Variants in MTNR1B observed in about 807,000 individuals in gnomAD.
The protein encoded by MTNR1B is melatonin receptor type 1B.
A neutral mutation model predicts 7.0 loss-of-function variants in MTNR1B; 7 were observed. The ratio of observed to expected loss-of-function variants is 1.00; its 90% CI spans 0.57 to 1.88. MTNR1B has a LOEUF of 1.88. MTNR1B is among the 40% of genes most tolerant of loss of function. The pLI, the probability that MTNR1B is intolerant of heterozygous loss-of-function variation, is 0.00. For missense variants in MTNR1B, 478 were observed against 486.5 expected (o/e 0.98, Z 0.16); for synonymous variants, 226 against 208.2 (o/e 1.09, Z -0.74).
Position 92,981,801 on chromosome 11 carries a change from T to A in MTNR1B, c.578T>A (p.Ile193Asn). The change falls in exon 2 of 2, where the codon ATC becomes AAC. Residue 193 changes from isoleucine (I) to asparagine (N), a missense_variant. By Grantham distance (149) the Ile-to-Asn change is moderately radical (BLOSUM62 -3). Transcript: ENST00000257068. ...CCACGCATCTATTCCTGCACCTTCATCCAGACCGCCAGCACCCAGTACACG... is the reference window on the plus strand; with the variant it reads ...CCACGCATCTATTCCTGCACCTTCAACCAGACCGCCAGCACCCAGTACACG... ...YDPRIYSCTFIQTASTQYTAA... is the reference protein window; with the variant it reads ...YDPRIYSCTFNQTASTQYTAA... 1 of 1,614,154 alleles carries A rather than the reference T, an allele frequency of 6.2e-7. No homozygotes were observed. Among genetic ancestry groups the A allele is most frequent in the Non-Finnish European group, 8.5e-7 (1 of 1,180,036 alleles).
chr11:92,982,041 C>T lies in MTNR1B; in HGVS notation c.818C>T (p.Ala273Val). ...CWAPLNCIGL[A>V]VAINPQEMAP... ...GCTCCACTTAACTGCATCGGCCTCG[C>T]TGTGGCCATCAACCCCCAAGAAATG... The change falls in exon 2 of 2, where the codon GCT becomes GTT. Residue 273 changes from alanine (A) to valine (V), a missense_variant. Coordinates refer to ENST00000257068, the MANE Select transcript of MTNR1B (RefSeq NM_005959.5). The T allele has an allele frequency of 6.2e-7, 1 of 1,614,228 alleles. No homozygotes were observed. Among genetic ancestry groups the T allele is most frequent in the African/African-American group, 1.3e-5 (1 of 75,062 alleles).
chr11:92,972,860 A>G (rs137942766), intron 1 of MTNR1B, among the ~76,000 whole-genome samples: 102 of 152,190 alleles, frequency 6.7e-4, no homozygotes, highest in African/African-American at 8.7e-4. Context: ...CACACACACG[A>G]TACACAAAGT....
At chr11:92,983,657 C>A (rs1455350435), downstream of MTNR1B, among the ~76,000 whole-genome samples, 1 of 152,128 alleles carries the variant, frequency 6.6e-6, no homozygotes, top group East Asian at 1.9e-4. Context: ...ACTTTATATT[C>A]GTAGAAATCT....
rs373981936 is a variant in MTNR1B, at chr11:92,982,160, C to G, written c.937C>G (p.Gln313Glu). ...LNAIVYGLLN[Q>E]NFRREYKRIL... ...TGCCATTGTCTATGGGCTCTTGAAC[C>G]AAAACTTCCGCAGGGAATACAAGAG... The change falls in exon 2 of 2, where the codon CAA (glutamine) becomes GAA (glutamate). Residue 313 changes from glutamine (Q) to glutamate (E), a missense_variant. Gln to Glu is a conservative substitution (Grantham distance 29). Transcript: ENST00000257068. 8.1e-6 allele frequency: 13 copies of G among 1,614,074 alleles called. No individual in the cohort carries two copies. The highest frequency in any genetic ancestry group is 1.1e-5 in the Non-Finnish European group (13 of 1,180,046).
intron 1 of MTNR1B, among the ~76,000 whole-genome samples, chr11:92,974,375 A>G (rs530902723): frequency 1.3e-5 from 2 of 152,300 alleles, no homozygotes; most frequent in South Asian, 2.1e-4. Context: ...GCCTTCCACC[A>G]TGATTGGGAG....
chr11:92,982,373 T>C lies in MTNR1B; in HGVS notation c.*61T>C, dbSNP rs1858127119. 4 of 1,550,452 alleles carry C rather than the reference T, an allele frequency of 2.6e-6. No homozygotes were observed. In the South Asian group the frequency reaches 5.0e-5, roughly 20 times the overall value. The stretch of plus-strand genomic sequence containing the variant: ...CATGAAATGGTGGGAGAGAGTCTGC[T>C]GCAAGGGTGAGACCAGGCAGCCTGC... On this transcript the variant is annotated 3_prime_UTR_variant, in exon 2 of 2. Transcript: ENST00000257068.
intron 1 of MTNR1B, among the ~76,000 whole-genome samples, chr11:92,974,481 GAGAC>G (rs915111185): frequency 3.3e-5 from 5 of 152,082 alleles, no homozygotes; most frequent in African/African-American, 9.7e-5. Flanking sequence ...TGTTTTTTGT[GAGAC>G]AGAGTTTCAC....
intron 1 of MTNR1B, among the ~76,000 whole-genome samples, chr11:92,976,972 T>C (rs750958083): frequency 2.6e-5 from 4 of 152,234 alleles, no homozygotes; most frequent in Non-Finnish European, 5.9e-5. Flanking sequence ...AACTTCACCA[T>C]GTTATATCAA....
At chr11:92,981,074 A>C (rs913249301) in intron 1 of MTNR1B, among the ~76,000 whole-genome samples, 2 of 152,168 alleles carry the variant, frequency 1.3e-5, no homozygotes, top group Non-Finnish European at 2.9e-5. Flanking sequence ...CCTCCTCCGA[A>C]ATCTTTGCTG....
intron 1 of MTNR1B, among the ~76,000 whole-genome samples, chr11:92,970,275 T>C (rs1857904316): frequency 6.6e-6 from 1 of 152,208 alleles, no homozygotes; most frequent in African/African-American, 2.4e-5. Context: ...TGCGTGTCTT[T>C]CCAGAGGTGC....
At chr11:92,977,011 G>C (rs1410699922) in intron 1 of MTNR1B, among the ~76,000 whole-genome samples, 1 of 152,182 alleles carries the variant, frequency 6.6e-6, no homozygotes, top group Non-Finnish European at 1.5e-5. Context: ...TAAGTGTAAA[G>C]TAATAAAATG....
intron 1 of MTNR1B, among the ~76,000 whole-genome samples, chr11:92,976,329 C>T (rs924834017): frequency 6.6e-6 from 1 of 152,148 alleles, no homozygotes; most frequent in African/African-American, 2.4e-5. Context: ...GAATGTCCTA[C>T]TTTCTTCATC....
chr11:92,978,131 A>C (rs1858039956), intron 1 of MTNR1B, among the ~76,000 whole-genome samples: 1 of 152,192 alleles, frequency 6.6e-6, no homozygotes, highest in Admixed American at 6.5e-5. Flanking sequence ...TCTTCTGAGC[A>C]TGGAGGGTGA....
At position 92,974,727 on chromosome 11, in the gene MTNR1B, C is replaced by T. The variant is rs572230648; in HGVS notation, c.223+4779C>T. ...ATGCCATTCTCTTGCCTCAGCCTCCCGAGTAGCTGGGACTACAGGCGACCG... is the reference window on the plus strand; with the variant it reads ...ATGCCATTCTCTTGCCTCAGCCTCCTGAGTAGCTGGGACTACAGGCGACCG... On this transcript the variant is annotated intron_variant, in intron 1 of 1. Coordinates refer to ENST00000257068, the MANE Select transcript of MTNR1B (RefSeq NM_005959.5). Among the ~76,000 whole-genome samples the T allele has an allele frequency of 5.3e-3, 798 of 150,670 alleles. 10 individuals carry two copies. Among genetic ancestry groups the T allele is most frequent in the Middle Eastern group, 6.8e-3 (2 of 294 alleles).
chr11:92,969,793 C>T lies in MTNR1B; in HGVS notation c.68C>T (p.Ser23Leu). 6.4e-7 allele frequency: 1 copy of T among 1,555,202 alleles called. No individual in the cohort carries two copies. Among genetic ancestry groups the T allele is most frequent in the Non-Finnish European group, 8.7e-7 (1 of 1,149,838 alleles). ...AGGWAVRPGW[S>L]GAGSARPSRT... ...GGGTGGGCAGTGCGCCCGGGCTGGT[C>T]GGGGGCTGGCAGCGCGCGGCCCTCC... Residue 23 changes from serine to leucine, a missense_variant, in exon 1 of 2, where the codon TCG (serine) becomes TTG (leucine). By Grantham distance (145) the Ser-to-Leu change is moderately radical (BLOSUM62 -2). Coordinates refer to ENST00000257068, the MANE Select transcript of MTNR1B (RefSeq NM_005959.5).
intron 1 of MTNR1B, among the ~76,000 whole-genome samples, chr11:92,971,744 G>A (rs12287509): frequency 0.01 from 1,591 of 152,222 alleles, 36 homozygotes; most frequent in African/African-American, 0.036. Context: ...AAGGAGAAAA[G>A]CACCCCTCCC....
intron 1 of MTNR1B, 152 bp downstream of exon 1, chr11:92,970,100 C>A: frequency 1.7e-6 from 2 of 1,176,926 alleles, no homozygotes; most frequent in Non-Finnish European, 2.2e-6. Context: ...TTTGACTCTG[C>A]ACTCAAAAGT....
chr11:92,969,811 G>T lies in MTNR1B; in HGVS notation c.86G>T (p.Arg29Leu). 6.4e-7 allele frequency: 1 copy of T among 1,569,046 alleles called. No homozygotes were observed. The highest frequency in any genetic ancestry group is 2.4e-5 in the East Asian group (1 of 41,890). Residue 29 changes from arginine (R) to leucine (L), a missense_variant, in exon 1 of 2, where the codon CGG becomes CTG. Arg to Leu is a moderately radical substitution (Grantham distance 102). Transcript: ENST00000257068. ...RPGWSGAGSA[R>L]PSRTPRPPWV... ...GGCTGGTCGGGGGCTGGCAGCGCGC[G>T]GCCCTCCAGGACCCCTCGACCTCCC...
chr11:92,982,834 C>T (rs1273683699), downstream of MTNR1B: 1 of 179,280 alleles, frequency 5.6e-6, no homozygotes, highest in East Asian at 1.5e-4. Flanking sequence ...CAATCACAAC[C>T]ACACATGCAT....
Sources: allele counts gnomAD v4.1 joint callset (sites outside exome capture counted in the v4.1 genomes callset), GRCh38; gene constraint gnomAD v4.1.1; transcripts MANE v1.5; gene names NCBI Gene and HGNC (gene_info 2026-07-23, HGNC 2026-07-21).